The following PRRX1 variants were observed in gnomAD, a reference collection of about 807,000 sequenced individuals.
The protein encoded by PRRX1 is paired related homeobox 1, also known as paired mesoderm homeobox protein 1.
A neutral mutation model predicts 24.0 loss-of-function variants in PRRX1; 8 were observed. That is an observed-to-expected ratio of 0.33 (90% CI 0.20 to 0.60). PRRX1 has a LOEUF of 0.60. Ranked by LOEUF, PRRX1 falls within the 20% of genes least tolerant of loss-of-function variation. The probability of loss-of-function intolerance (pLI) is 0.82; values close to 1 mark genes in which losing one functional copy is unlikely to be tolerated. For missense variants in PRRX1, 281 were observed against 322.4 expected (o/e 0.87, Z 0.98); for synonymous variants, 160 against 131.7 (o/e 1.22, Z -1.47).
chr1:170,667,783 G>A (rs997030272), intron 1 of PRRX1: 1 of 152,160 alleles, frequency 6.6e-6, no homozygotes, highest in African/African-American at 2.4e-5. Flanking sequence ...GAAGCCTTTG[G>A]CTCTTTTAGC....
chr1:170,697,222 T>C (rs1222429845), intron 1 of PRRX1, among the ~76,000 whole-genome samples: 1 of 152,182 alleles, frequency 6.6e-6, no homozygotes, highest in Non-Finnish European at 1.5e-5. Flanking sequence ...ATGTCTTTCT[T>C]AGCTTTGGCT....
At chr1:170,669,607 T>C (rs1307627882) in intron 1 of PRRX1, among the ~76,000 whole-genome samples, 1 of 151,922 alleles carries the variant, frequency 6.6e-6, no homozygotes, top group Admixed American at 6.6e-5. Context: ...ATGTTTCTTT[T>C]ACAATCCCTC....
At position 170,676,278 on chromosome 1, in the gene PRRX1, A is replaced by T. The variant is rs1430621653; in HGVS notation, c.241+11819A>T. 2.0e-5 allele frequency among the ~76,000 whole-genome samples: 3 copies of T among 151,910 alleles called. No homozygotes were observed. The East Asian group carries it at 5.8e-4, about 29-fold the overall frequency. On this transcript the variant is annotated intron_variant, in intron 1 of 3. Coordinates refer to ENST00000239461, the MANE Select transcript of PRRX1 (RefSeq NM_022716.4). ...CAGGGAAGAAATTTTTCCTGGTATG[A>T]TCGTTCTTACTCAGAATATACGGAC...
chr1:170,725,715 T>C (rs1655235308), intron 2 of PRRX1, among the ~76,000 whole-genome samples: 1 of 152,222 alleles, frequency 6.6e-6, no homozygotes, highest in African/African-American at 2.4e-5. Context: ...TCTTTGCACC[T>C]CCCAAATAAA....
At chr1:170,676,342 C>A (rs532512295) in intron 1 of PRRX1, among the ~76,000 whole-genome samples, 3 of 147,008 alleles carry the variant, frequency 2.0e-5, no homozygotes, top group Non-Finnish European at 4.5e-5. Context: ...TTTTTTTTTT[C>A]TTTACTTCAC....
chr1:170,664,017 A>T, upstream of PRRX1: 1 of 588,722 alleles, frequency 1.7e-6, no homozygotes, highest in Non-Finnish European at 2.9e-6. Context: ...TCTGCTCTAC[A>T]GAAGGGGGTC....
At chr1:170,669,818 G>A (rs958486848) in intron 1 of PRRX1, among the ~76,000 whole-genome samples, 1 of 152,088 alleles carries the variant, frequency 6.6e-6, no homozygotes, top group Non-Finnish European at 1.5e-5. Flanking sequence ...CAACAGCTCT[G>A]GAAATATGAA....
intron 1 of PRRX1, among the ~76,000 whole-genome samples, chr1:170,671,621 A>G (rs915043954): frequency 2.6e-5 from 4 of 152,266 alleles, no homozygotes; most frequent in Non-Finnish European, 5.9e-5. Context: ...AACGTGGGAA[A>G]TAATAGTTTG....
Position 170,738,575 on chromosome 1 carries a change from T to C in PRRX1, c.*2389T>C. On this transcript the variant is annotated 3_prime_UTR_variant, in exon 4 of 4. Coordinates refer to ENST00000239461, the MANE Select transcript of PRRX1 (RefSeq NM_022716.4). The stretch of plus-strand genomic sequence containing the variant: ...GAAGGAACTGTACATCCCAACAGAC[T>C]GAAACATTCTAAGTGAAATGAGTAT... 1 of 228,798 alleles carries C rather than the reference T, an allele frequency of 4.4e-6. No homozygotes were observed. Among genetic ancestry groups the C allele is most frequent in the Non-Finnish European group, 8.7e-6 (1 of 115,290 alleles). The allele number at this position is 228,798 out of a possible 1,614,324, so 14.2% of individuals were successfully genotyped here. A position where few individuals can be genotyped will look rare whatever the true frequency, so the allele number is the denominator to read the frequency against.
At chr1:170,708,056 T>A (rs1183505346) in intron 1 of PRRX1, among the ~76,000 whole-genome samples, 1 of 152,222 alleles carries the variant, frequency 6.6e-6, no homozygotes, top group Non-Finnish European at 1.5e-5. Context: ...ATACAACTTT[T>A]TCTTAGGTCT....
intron 1 of PRRX1, among the ~76,000 whole-genome samples, chr1:170,683,150 G>A (rs181362875): frequency 1.7e-4 from 26 of 152,306 alleles, no homozygotes; most frequent in South Asian, 2.1e-4. Flanking sequence ...GGAGAGTTTT[G>A]TAATGTGATT....
chr1:170,668,629 G>C (rs1463014088), intron 1 of PRRX1: 2 of 152,186 alleles, frequency 1.3e-5, no homozygotes, highest in East Asian at 1.9e-4. Flanking sequence ...ACACTCTCTC[G>C]GGACCTTGCC....
At chr1:170,709,334 A>G (rs1654671129) in intron 1 of PRRX1, among the ~76,000 whole-genome samples, 1 of 152,180 alleles carries the variant, frequency 6.6e-6, no homozygotes, top group African/African-American at 2.4e-5. Context: ...AGGCAAAGAA[A>G]GACAAGGTCA....
chr1:170,700,803 A>C (rs1332418224), intron 1 of PRRX1, among the ~76,000 whole-genome samples: 1 of 152,188 alleles, frequency 6.6e-6, no homozygotes, highest in East Asian at 1.9e-4. Flanking sequence ...AAAGAGTCTT[A>C]GCATGTTGGG....
intron 1 of PRRX1, among the ~76,000 whole-genome samples, chr1:170,697,741 A>T (rs1324021394): frequency 6.8e-6 from 1 of 147,152 alleles, no homozygotes; most frequent in Non-Finnish European, 1.5e-5. Context: ...TACATATATA[A>T]ATATATATAC....
rs569383815 is a variant in PRRX1, at chr1:170,718,372, C to T, written c.242-1354C>T. Among the ~76,000 whole-genome samples the T allele has an allele frequency of 7.9e-5, 12 of 152,272 alleles. No homozygotes were observed. The South Asian group carries it at 2.5e-3, about 32-fold the overall frequency. Reference sequence around the variant, plus strand: ...TTAAGCTACATTTTGACTCTGTACACAAATCTAGATCATTCCCTCAATTTG... The same window carrying T: ...TTAAGCTACATTTTGACTCTGTACATAAATCTAGATCATTCCCTCAATTTG... On this transcript the variant is annotated intron_variant, in intron 1 of 3. Coordinates refer to ENST00000239461, the MANE Select transcript of PRRX1 (RefSeq NM_022716.4).
intron 1 of PRRX1, among the ~76,000 whole-genome samples, chr1:170,678,516 A>G (rs550721474): frequency 6.6e-6 from 1 of 152,368 alleles, no homozygotes; most frequent in Non-Finnish European, 1.5e-5. Flanking sequence ...AGTGAGTGTT[A>G]GGCGAAGATT....
At position 170,737,753 on chromosome 1, in the gene PRRX1, A is replaced by G. The variant is rs1366762822; in HGVS notation, c.*1567A>G. ...TTGCCAGGTGGACTTGACCAACTAC[A>G]TTACCATGCTGTGCCTCAGTTTACC... On this transcript the variant is annotated 3_prime_UTR_variant, in exon 4 of 4. Transcript: ENST00000239461. 3 of 221,290 alleles carry G rather than the reference A, an allele frequency of 1.4e-5. No homozygotes were observed. The highest frequency in any genetic ancestry group is 2.7e-5 in the Non-Finnish European group (3 of 110,228). The allele number at this position is 221,290 out of a possible 1,614,324, so 13.7% of individuals were successfully genotyped here. A position where few individuals can be genotyped will look rare whatever the true frequency, so the allele number is the denominator to read the frequency against.
chr1:170,691,811 A>T (rs1330317419), intron 1 of PRRX1, among the ~76,000 whole-genome samples: 3 of 152,010 alleles, frequency 2.0e-5, no homozygotes, highest in Admixed American at 2.0e-4. Context: ...AACGTAAAGG[A>T]TGAAAATATT....
Sources: allele counts gnomAD v4.1 joint callset (sites outside exome capture counted in the v4.1 genomes callset), GRCh38; gene constraint gnomAD v4.1.1; transcripts MANE v1.5; gene names NCBI Gene and HGNC (gene_info 2026-07-23, HGNC 2026-07-21).